The following GPR158 variants were observed in gnomAD, a reference collection of about 807,000 sequenced individuals.
GPR158 encodes the protein metabotropic glycine receptor.
In GPR158, 30 loss-of-function variants were observed where a neutral mutation model predicts 78.2. The ratio of observed to expected loss-of-function variants is 0.38; its 90% CI spans 0.29 to 0.52. The LOEUF (loss-of-function observed/expected upper bound fraction) is 0.52. GPR158 is among the 20% of genes least tolerant of loss of function. The pLI, the probability that GPR158 is intolerant of heterozygous loss-of-function variation, is 0.83. For synonymous variants in GPR158, 581 were observed against 591.1 expected (o/e 0.98, Z 0.25); for missense variants, 1,463 against 1,523.5 (o/e 0.96, Z 0.66).
At chr10:25,329,418 C>A (rs1855086921) in intron 2 of GPR158, among the ~76,000 whole-genome samples, 1 of 148,422 alleles carries the variant, frequency 6.7e-6, no homozygotes, top group African/African-American at 2.5e-5. Flanking sequence ...CCAGCCTGGG[C>A]AACAGAGTGA....
intron 2 of GPR158, among the ~76,000 whole-genome samples, chr10:25,231,388 T>C (rs573114131): frequency 1.5e-4 from 23 of 152,328 alleles, no homozygotes; most frequent in Middle Eastern, 6.8e-3. Context: ...CTCTTCTGCT[T>C]ATCAAGGAAT....
intron 2 of GPR158, among the ~76,000 whole-genome samples, chr10:25,367,272 G>A (rs763550673): frequency 2.4e-4 from 36 of 151,594 alleles, no homozygotes; most frequent in Non-Finnish European, 1.6e-4. Flanking sequence ...CCTACTACCT[G>A]TGTCATACAT....
chr10:25,411,889 G>A (rs375611476), intron 3 of GPR158, among the ~76,000 whole-genome samples: 7 of 122,312 alleles, frequency 5.7e-5, no homozygotes, highest in Admixed American at 3.2e-4. Context: ...AGCAGAGATC[G>A]CGCCACTGCA....
At chr10:25,243,423 A>G (rs895061008) in intron 2 of GPR158, among the ~76,000 whole-genome samples, 1 of 152,176 alleles carries the variant, frequency 6.6e-6, no homozygotes, top group Non-Finnish European at 1.5e-5. Context: ...AAATCCCATC[A>G]CAAGTGGATC....
At chr10:25,366,376 A>T (rs968712720) in intron 2 of GPR158, among the ~76,000 whole-genome samples, 8 of 78,272 alleles carry the variant, frequency 1.0e-4, no homozygotes, top group Non-Finnish European at 2.9e-4. Flanking sequence ...TCTCACTAAA[A>T]CTTTGTCAGT....
intron 2 of GPR158, among the ~76,000 whole-genome samples, chr10:25,272,241 T>G (rs1854126375): frequency 6.6e-6 from 1 of 152,220 alleles, no homozygotes; most frequent in Admixed American, 6.5e-5. Context: ...TTCCAAGTTC[T>G]TGCTAAGCTT....
intron 1 of GPR158, among the ~76,000 whole-genome samples, chr10:25,199,620 C>T (rs1014243040): frequency 9.9e-5 from 15 of 152,118 alleles, no homozygotes; most frequent in Non-Finnish European, 1.5e-4. Context: ...ATGCTGTTCT[C>T]ATGATAGTGA....
chr10:25,587,053 A>G lies in GPR158; in HGVS notation c.1754-1954A>G, dbSNP rs139310434. 6.2e-4 allele frequency among the ~76,000 whole-genome samples: 94 copies of G among 152,314 alleles called. 1 individual carries two copies. In the East Asian group the frequency reaches 0.015, roughly 24 times the overall value. ...GTTTATATAGCAGGGAAGAAATGTA[A>G]CCATATGTGGAAAACAGGAATTAGG... On this transcript the variant is annotated intron_variant, in intron 7 of 10. Coordinates refer to ENST00000376351, the MANE Select transcript of GPR158 (RefSeq NM_020752.3).
At chr10:25,387,025 G>C (rs140264801) in intron 2 of GPR158, among the ~76,000 whole-genome samples, 11 of 152,280 alleles carry the variant, frequency 7.2e-5, no homozygotes, top group African/African-American at 2.4e-4. Context: ...CGTGAAAGTG[G>C]AGAGAGAAGG....
intron 1 of GPR158, among the ~76,000 whole-genome samples, chr10:25,213,700 T>C (rs1853166281): frequency 6.6e-6 from 1 of 152,116 alleles, no homozygotes; most frequent in East Asian, 1.9e-4. Flanking sequence ...TTTGGTAGAA[T>C]TCGTATATAA....
chr10:25,219,841 C>T (rs1435281843), intron 1 of GPR158, among the ~76,000 whole-genome samples: 3 of 152,148 alleles, frequency 2.0e-5, no homozygotes, highest in Admixed American at 6.6e-5. Context: ...GTTGAACTAG[C>T]AGTCAGTACT....
chr10:25,564,379 C>A (rs985227673), intron 6 of GPR158, among the ~76,000 whole-genome samples: 2 of 152,194 alleles, frequency 1.3e-5, no homozygotes, highest in Admixed American at 6.5e-5. Flanking sequence ...CCCAGATCAT[C>A]TCATTTCCCA....
At chr10:25,443,609 A>G (rs909025502) in intron 4 of GPR158, among the ~76,000 whole-genome samples, 2 of 145,104 alleles carry the variant, frequency 1.4e-5, no homozygotes, top group South Asian at 2.2e-4. Context: ...ATCTCCCTAT[A>G]TTACTAAGGT....
At chr10:25,397,586 T>A (rs1443260166) in intron 3 of GPR158, among the ~76,000 whole-genome samples, 1 of 152,208 alleles carries the variant, frequency 6.6e-6, no homozygotes, top group African/African-American at 2.4e-5. Flanking sequence ...GTTCTTTTTC[T>A]CTCTCTTAGA....
At chr10:25,372,163 A>C (rs911671495) in intron 2 of GPR158, among the ~76,000 whole-genome samples, 20 of 151,892 alleles carry the variant, frequency 1.3e-4, no homozygotes, top group Non-Finnish European at 2.2e-4. Flanking sequence ...ATGAGATACC[A>C]TCTCATACTG....
intron 2 of GPR158, among the ~76,000 whole-genome samples, chr10:25,303,578 G>A (rs1316591667): frequency 1.3e-5 from 2 of 152,152 alleles, no homozygotes; most frequent in Admixed American, 6.5e-5. Flanking sequence ...GGCGCAAACC[G>A]TTAATAAGTT....
rs1350320842 is a variant in GPR158 at position 25,299,113 on chromosome 10, T to C, written c.1008+77956T>C. On this transcript the variant is annotated intron_variant, in intron 2 of 10. Transcript: ENST00000376351. ...TAGAATAGTTTGAATAAGTTATCAG[T>C]ATACATTTTGTTTATTTTTGTATAT... Among the ~76,000 whole-genome samples, 3 of 152,344 alleles carry C rather than the reference T, an allele frequency of 2.0e-5. No individual in the cohort carries two copies. In the East Asian group the frequency reaches 5.8e-4, roughly 29 times the overall value.
chr10:25,354,216 G>A (rs532161591), intron 2 of GPR158, among the ~76,000 whole-genome samples: 10 of 151,934 alleles, frequency 6.6e-5, no homozygotes, highest in South Asian at 4.1e-4. Context: ...TTAGCCAGGC[G>A]TGGTGGCTCA....
intron 2 of GPR158, among the ~76,000 whole-genome samples, chr10:25,313,219 T>C (rs1854793000): frequency 7.6e-6 from 1 of 131,294 alleles, no homozygotes. Flanking sequence ...ATAAACTTTA[T>C]CATGTTTAAA....
Sources: allele counts gnomAD v4.1 joint callset (sites outside exome capture counted in the v4.1 genomes callset), GRCh38; gene constraint gnomAD v4.1.1; transcripts MANE v1.5; gene names NCBI Gene and HGNC (gene_info 2026-07-23, HGNC 2026-07-21).